SMARCAD1: variants seen among roughly 807,000 people sequenced by gnomAD.
SMARCAD1 encodes SWI/SNF-related matrix-associated actin-dependent regulator of chromatin subfamily A containing DEAD/H box 1.
In SMARCAD1, 25 loss-of-function variants were observed where a neutral mutation model predicts 127.1. The observed-to-expected ratio is 0.20, with a 90% CI of 0.14 to 0.27. The LOEUF (loss-of-function observed/expected upper bound fraction) is 0.27. Ranked by LOEUF, SMARCAD1 falls within the 10% of genes least tolerant of loss-of-function variation. The pLI, the probability that SMARCAD1 is intolerant of heterozygous loss-of-function variation, is 1.00. For missense variants in SMARCAD1, 807 were observed against 1,206.0 expected, an observed-to-expected ratio of 0.67 and a Z score of 4.90; for synonymous variants, 400 against 396.9, an observed-to-expected ratio of 1.01 and a Z score of -0.09.
intron 3 of SMARCAD1, among the ~76,000 whole-genome samples, chr4:94,232,769 ACT>A (rs1022610197): frequency 2.8e-4 from 43 of 152,068 alleles, no homozygotes; most frequent in African/African-American, 8.9e-4. Context: ...CCTGGCAGAA[ACT>A]CTGGCAGTAG....
intron 6 of SMARCAD1, among the ~76,000 whole-genome samples, chr4:94,242,845 G>C (rs927684206): frequency 6.6e-6 from 1 of 152,142 alleles, no homozygotes; most frequent in African/African-American, 2.4e-5. Flanking sequence ...GAGCCCAGAA[G>C]GTTGAGGCTT....
At chr4:94,242,637 C>T (rs901875137) in intron 6 of SMARCAD1, among the ~76,000 whole-genome samples, 3 of 151,380 alleles carry the variant, frequency 2.0e-5, no homozygotes, top group Admixed American at 6.6e-5. Flanking sequence ...GGTGCATTAG[C>T]TTATGCCTAT....
chr4:94,209,311 A>T (rs1272333105), intron 2 of SMARCAD1, among the ~76,000 whole-genome samples: 3 of 152,222 alleles, frequency 2.0e-5, no homozygotes, highest in African/African-American at 7.2e-5. Flanking sequence ...TACAAGGTAG[A>T]TATTACTGAC....
At chr4:94,285,924 G>A (rs140494651) in intron 23 of SMARCAD1, among the ~76,000 whole-genome samples, 1 of 152,212 alleles carries the variant, frequency 6.6e-6, no homozygotes, top group East Asian at 1.9e-4. Context: ...GCATAAGGCA[G>A]ATTCTCTTTG....
chr4:94,271,605 A>G (rs951996945), intron 11 of SMARCAD1, among the ~76,000 whole-genome samples: 2 of 152,240 alleles, frequency 1.3e-5, no homozygotes, highest in Non-Finnish European at 2.9e-5. Context: ...ATATTTTCCC[A>G]TATATATTTC....
At chr4:94,248,389 C>T in intron 6 of SMARCAD1, 1 of 423,060 alleles carries the variant, frequency 2.4e-6, no homozygotes, top group South Asian at 1.7e-5. Context: ...AGTGAAAAAG[C>T]AGTGGTCTAG....
chr4:94,262,305 T>C lies in SMARCAD1; in HGVS notation c.1282-2402T>C, dbSNP rs142230969. ...TAATCTCAATAGATGGTACCACTAATCTGTTAGCATTGAAGCCAGAAGTCT... is the reference window on the plus strand; with the variant it reads ...TAATCTCAATAGATGGTACCACTAACCTGTTAGCATTGAAGCCAGAAGTCT... On this transcript the variant is annotated intron_variant, in intron 9 of 23. Transcript: ENST00000354268. Among the ~76,000 whole-genome samples, 1,145 of 152,318 alleles carry C rather than the reference T, an allele frequency of 7.5e-3. 7 individuals are homozygous for C. Among genetic ancestry groups the C allele is most frequent in the African/African-American group, 0.026 (1,069 of 41,582 alleles).
chr4:94,277,996 A>C (rs958934338), intron 16 of SMARCAD1, among the ~76,000 whole-genome samples: 8 of 152,160 alleles, frequency 5.3e-5, no homozygotes, highest in Non-Finnish European at 1.0e-4. Context: ...TTTTTAGACC[A>C]AGTGATTTGC....
intron 6 of SMARCAD1, among the ~76,000 whole-genome samples, chr4:94,249,124 A>G (rs1056159891): frequency 2.6e-5 from 4 of 152,104 alleles, no homozygotes; most frequent in African/African-American, 9.6e-5. Flanking sequence ...TGTTCGGTTT[A>G]TACATTATTT....
chr4:94,225,980 C>T, intron 2 of SMARCAD1, 139 bp from the exon 3 acceptor site: 7 of 758,692 alleles, frequency 9.2e-6, no homozygotes, highest in Admixed American at 2.9e-5. Context: ...TAATTTTTTT[C>T]TTTAAAAAGT....
chr4:94,257,460 A>C (rs980135590), intron 9 of SMARCAD1, among the ~76,000 whole-genome samples: 1 of 152,106 alleles, frequency 6.6e-6, no homozygotes, highest in African/African-American at 2.4e-5. Flanking sequence ...TATTTCTTAA[A>C]TCTTTTTTGG....
intron 2 of SMARCAD1, among the ~76,000 whole-genome samples, chr4:94,216,492 A>G (rs980805189): frequency 2.6e-5 from 4 of 152,146 alleles, no homozygotes; most frequent in Non-Finnish European, 5.9e-5. Flanking sequence ...TACCATCTCA[A>G]CCATTTTTAA....
At chr4:94,278,135 A>G (rs1234765339) in intron 16 of SMARCAD1, among the ~76,000 whole-genome samples, 1 of 152,188 alleles carries the variant, frequency 6.6e-6, no homozygotes, top group Non-Finnish European at 1.5e-5. Context: ...TAATCGATAC[A>G]TGACTCATCA....
rs749356198 is a variant in SMARCAD1 at position 94,279,039 on chromosome 4, C to G, written c.2407C>G (p.Leu803Val). Residue 803 changes from leucine to valine, a missense_variant, in exon 19 of 24, where the codon CTT becomes GTT. By Grantham distance (32) the Leu-to-Val change is conservative. Transcript: ENST00000354268. ...TGAAAAACTCAAGGAAATGTCTCAG[C>G]TTATGCTAAAGGTAAGGATTTCATA... ...TAEKLKEMSQ[L>V]MLKEPTHCEA... 1.3e-5 allele frequency: 21 copies of G among 1,613,942 alleles called. No homozygotes were observed. In the South Asian group the frequency reaches 2.2e-4, roughly 17 times the overall value.
rs546309687 is a variant in SMARCAD1, at chr4:94,270,117, C to T, written c.1482-611C>T. Among the ~76,000 whole-genome samples, 440 of 151,452 alleles carry T rather than the reference C, an allele frequency of 2.9e-3. 2 individuals are homozygous for T. The highest frequency in any genetic ancestry group is 3.1e-3 in the Non-Finnish European group (209 of 67,736). ...CACTGTCTTTTAGCATTTGCTAAAA[C>T]ATCAGTGAACATCAGTGAGTAGAAA... On this transcript the variant is annotated intron_variant, in intron 10 of 23. Transcript: ENST00000354268.
At chr4:94,208,769 TTGTCGCCTCACTTTTATA>T (rs1315709704) in intron 2 of SMARCAD1, among the ~76,000 whole-genome samples, 185 bp downstream of exon 2, 2 of 152,192 alleles carry the variant, frequency 1.3e-5, no homozygotes, top group Non-Finnish European at 2.9e-5. Flanking sequence ...CATCCATCCA[TTGTCGCCTCACTTTTATA>T]TGAGTTCTTC....
At chr4:94,251,334 A>G (rs532599715) in intron 8 of SMARCAD1, among the ~76,000 whole-genome samples, 1 of 152,332 alleles carries the variant, frequency 6.6e-6, no homozygotes, top group African/African-American at 2.4e-5. Context: ...GAGTTGAGTC[A>G]TACATGTTTA....
chr4:94,252,437 ATTGT>A (rs1182974152), intron 8 of SMARCAD1, among the ~76,000 whole-genome samples, 175 bp from the exon 9 acceptor site: 2 of 152,242 alleles, frequency 1.3e-5, no homozygotes, highest in African/African-American at 4.8e-5. Flanking sequence ...TTTTGAAACA[ATTGT>A]TTAACTTCAA....
chr4:94,222,536 A>C (rs1560515861), intron 2 of SMARCAD1, among the ~76,000 whole-genome samples: 1 of 150,358 alleles, frequency 6.7e-6, no homozygotes, highest in Admixed American at 6.7e-5. Flanking sequence ...TGTTTAATGT[A>C]TATATTTTGA....
Sources: gnomAD v4.1 joint callset for allele counts (sites outside exome capture counted in the v4.1 genomes callset) on GRCh38, gnomAD v4.1.1 for gene constraint, MANE v1.5 for transcripts, NCBI Gene and HGNC (gene_info 2026-07-23, HGNC 2026-07-21) for gene names.